Variants in UBE2O observed in about 807,000 individuals in gnomAD.
The protein encoded by UBE2O is (E3-independent) E2 ubiquitin-conjugating enzyme.
A neutral mutation model predicts 125.8 loss-of-function variants in UBE2O; 15 were observed. The ratio of observed to expected loss-of-function variants is 0.12; its 90% CI spans 0.08 to 0.18. UBE2O has a LOEUF of 0.18. Among genes scored for constraint, UBE2O ranks in the 10% least tolerant of loss-of-function variants. The pLI is 1.00. For synonymous variants in UBE2O, 708 were observed against 703.2 expected (o/e 1.01, Z -0.11); for missense variants, 1,280 against 1,723.6 (o/e 0.74, Z 4.56).
intron 1 of UBE2O, among the ~76,000 whole-genome samples, chr17:76,408,224 A>G (rs2072456800): frequency 6.6e-6 from 1 of 152,208 alleles, no homozygotes; most frequent in South Asian, 2.1e-4. Flanking sequence ...TGCCCCCGTC[A>G]GGAAGGAACC....
At position 76,391,662 on chromosome 17, in the gene UBE2O, G is replaced by A; in HGVS notation, c.3209-49C>T. On this transcript the variant is annotated intron_variant, in intron 17 of 17. Coordinates refer to ENST00000319380, the MANE Select transcript of UBE2O (RefSeq NM_022066.4). The surrounding 1 kb of genome is among the most constrained non-coding windows in gnomAD (Gnocchi z 8.4). ...TCAGTGGGTGAGAGAGGCCCACAATGCAGGCCTACCCTCCACCTGCCAGGG... is the reference window on the plus strand; with the variant it reads ...TCAGTGGGTGAGAGAGGCCCACAATACAGGCCTACCCTCCACCTGCCAGGG... 6.2e-7 allele frequency: 1 copy of A among 1,602,008 alleles called. No homozygotes were observed. The highest frequency in any genetic ancestry group is 8.5e-7 in the Non-Finnish European group (1 of 1,172,558).
At chr17:76,444,788 C>T (rs550531586) in intron 1 of UBE2O, among the ~76,000 whole-genome samples, 1 of 152,298 alleles carries the variant, frequency 6.6e-6, no homozygotes, top group African/African-American at 2.4e-5. Flanking sequence ...AAGATGATGT[C>T]ATCAACCTTC....
chr17:76,436,021 C>T (rs138619735), intron 1 of UBE2O, among the ~76,000 whole-genome samples: 30 of 152,280 alleles, frequency 2.0e-4, no homozygotes, highest in Non-Finnish European at 4.0e-4. Context: ...CTGAGACGGG[C>T]GGATCACCTG....
At position 76,398,327 on chromosome 17, in the gene UBE2O, A is replaced by G. The variant is rs1320006818; in HGVS notation, c.1953T>C (p.Phe651=). The change falls in exon 12 of 18, where the codon TTT becomes TTC. Residue 651 remains phenylalanine (F), a synonymous_variant. Transcript: ENST00000319380. The surrounding 1 kb of genome is among the most constrained non-coding windows in gnomAD (Gnocchi z 5.4). ...SVYDIADHPD[F]RFRTTDIVIR... ...TGACGATGTCAGTTGTACGGAACCT[A>G]AAGTCAGGGTGGTCAGCAATGTCGT... 2 of 1,613,998 alleles carry G rather than the reference A, an allele frequency of 1.2e-6. No individual in the cohort carries two copies. Among genetic ancestry groups the G allele is most frequent in the Non-Finnish European group, 8.5e-7 (1 of 1,180,002 alleles).
intron 5 of UBE2O, 41 bp from the exon 6 acceptor site, chr17:76,401,195 G>T: frequency 1.2e-6 from 2 of 1,602,652 alleles, no homozygotes. Flanking sequence ...CGTGAGCGGT[G>T]TCTCCATGGG....
intron 1 of UBE2O, among the ~76,000 whole-genome samples, chr17:76,427,667 G>A (rs913488408): frequency 6.6e-6 from 1 of 152,262 alleles, no homozygotes; most frequent in African/African-American, 2.4e-5. Context: ...CTGCTGGCTG[G>A]TCTGGTGCCA....
Position 76,400,604 on chromosome 17 carries a change from T to G in UBE2O, c.895-54A>C, listed in dbSNP as rs1485617932. 3.9e-6 allele frequency: 5 copies of G among 1,288,462 alleles called. No homozygotes were observed. The highest frequency in any genetic ancestry group is 5.4e-6 in the Non-Finnish European group (5 of 918,694). The allele number at this position is 1,288,462 out of a possible 1,614,324, so 79.8% of individuals were successfully genotyped here. A position where few individuals can be genotyped will look rare whatever the true frequency, so the allele number is the denominator to read the frequency against. On this transcript the variant is annotated intron_variant, in intron 6 of 17. Coordinates refer to ENST00000319380, the MANE Select transcript of UBE2O (RefSeq NM_022066.4). The surrounding 1 kb of genome is among the most constrained non-coding windows in gnomAD (Gnocchi z 4.3). Reference sequence around the variant, plus strand: ...CAGGGCAGGCTCTGACAGCACTCTCTTTAGCCAGCTGCCCAAAGCCCACTT... The same window carrying G: ...CAGGGCAGGCTCTGACAGCACTCTCGTTAGCCAGCTGCCCAAAGCCCACTT...
At chr17:76,424,957 G>A (rs1407385156) in intron 1 of UBE2O, among the ~76,000 whole-genome samples, 2 of 148,546 alleles carry the variant, frequency 1.3e-5, no homozygotes, top group Admixed American at 6.8e-5. Context: ...TGCAAGCTCC[G>A]CCTCCCAGGT....
chr17:76,431,083 T>C (rs2072899789), intron 1 of UBE2O: 1 of 185,138 alleles, frequency 5.4e-6, no homozygotes. Context: ...CAAGGGTTTC[T>C]GGCACAACAG....
At chr17:76,426,925 T>A (rs1043404335) in intron 1 of UBE2O, among the ~76,000 whole-genome samples, 3 of 151,802 alleles carry the variant, frequency 2.0e-5, no homozygotes, top group Non-Finnish European at 2.9e-5. Flanking sequence ...TTTTTTTTTT[T>A]CTGTGAAAAT....
At chr17:76,430,653 CG>C in intron 1 of UBE2O, 1 of 329,978 alleles carries the variant, frequency 3.0e-6, no homozygotes, top group Non-Finnish European at 6.3e-6. Context: ...GATTTTGCCA[CG>C]GCCATGCTTG....
chr17:76,437,487 T>C (rs974349006), intron 1 of UBE2O, among the ~76,000 whole-genome samples: 11 of 151,746 alleles, frequency 7.2e-5, no homozygotes, highest in Non-Finnish European at 1.3e-4. Flanking sequence ...AAAAGGCAAT[T>C]ATGTTAAATG....
intron 1 of UBE2O, among the ~76,000 whole-genome samples, chr17:76,412,096 G>A (rs888893181): frequency 2.0e-5 from 3 of 152,148 alleles, no homozygotes; most frequent in South Asian, 2.1e-4. Context: ...AAGGACAAGC[G>A]GACGACCAGC....
In UBE2O at chr17:76,453,127, T is replaced by A; in HGVS notation, c.15A>T (p.Ala5=). 1 of 725,204 alleles carries A rather than the reference T, an allele frequency of 1.4e-6. No individual in the cohort carries two copies. Among genetic ancestry groups the A allele is most frequent in the Non-Finnish European group, 2.0e-6 (1 of 508,350 alleles). The allele number at this position is 725,204 out of a possible 1,614,324, so 44.9% of individuals were successfully genotyped here. A position where few individuals can be genotyped will look rare whatever the true frequency, so the allele number is the denominator to read the frequency against. Residue 5 remains alanine (A), a synonymous_variant, in exon 1 of 18, where the codon GCA becomes GCT. Transcript: ENST00000319380. MADP[A]APTPAAPAPA... The stretch of plus-strand genomic sequence containing the variant: ...GAGCGGGAGCTGCGGGCGTGGGGGC[T>A]GCGGGATCCGCCATAACTGCTCTGC...
In UBE2O at chr17:76,399,331, A is replaced by G. The variant is rs1598585562; in HGVS notation, c.1628+118T>C. 6.6e-6 allele frequency: 7 copies of G among 1,067,014 alleles called. No individual in the cohort carries two copies. The South Asian group carries it at 7.6e-5, about 12-fold the overall frequency. 66.1% of individuals were successfully genotyped at this position (1,067,014 alleles called of 1,614,324 possible). A position where few individuals can be genotyped will look rare whatever the true frequency, so the allele number is the denominator to read the frequency against. On this transcript the variant is annotated intron_variant, in intron 9 of 17. Transcript: ENST00000319380. This position sits in a 1 kb window ranked among gnomAD's most constrained non-coding sequence, Gnocchi z 6.9. ...ACGTTGTCTCGGGTGGGAGCCCCGG[A>G]GCCACTACAAGGCATGCAGAGGTGT...
At chr17:76,430,736 T>C in intron 1 of UBE2O, 1 of 252,278 alleles carries the variant, frequency 4.0e-6, no homozygotes, top group Non-Finnish European at 8.1e-6. Context: ...CCTCAGCATG[T>C]TAACTGAAGG....
In UBE2O at chr17:76,395,519, G is replaced by T. The variant is rs563655515; in HGVS notation, c.2946+206C>A. ...GAAAGTAATTTTTTAAAGGAGGGAG[G>T]AAAGAAAGAACCATCTGGCCTGGAC... On this transcript the variant is annotated intron_variant, in intron 15 of 17. Transcript: ENST00000319380. This position sits in a 1 kb window ranked among gnomAD's most constrained non-coding sequence, Gnocchi z 5.0. 3 of 533,168 alleles carry T rather than the reference G, an allele frequency of 5.6e-6. No individual in the cohort carries two copies. The East Asian group carries it at 9.7e-5, about 17-fold the overall frequency. 33.0% of individuals were successfully genotyped at this position (533,168 alleles called of 1,614,324 possible). A position where few individuals can be genotyped will look rare whatever the true frequency, so the allele number is the denominator to read the frequency against.
chr17:76,396,659 T>C lies in UBE2O; in HGVS notation c.2278A>G (p.Ile760Val). ...GCCACCGGCTGCTCCAGGGGTGGGA[T>C]GGGGGGCTCCTCTATCTTGGGGTGC... ...DEHPKIEEPP[I>V]PPLEQPVAPE... Residue 760 changes from isoleucine (I) to valine (V), a missense_variant, in exon 14 of 18, where the codon ATC (isoleucine) becomes GTC (valine). This residue lies in a region of UBE2O where 210 missense variants were observed against 268.9 expected (regional missense o/e 0.78). Transcript: ENST00000319380. This position sits in a 1 kb window ranked among gnomAD's most constrained non-coding sequence, Gnocchi z 6.7. 6.2e-7 allele frequency: 1 copy of C among 1,613,522 alleles called. No individual in the cohort carries two copies. Among genetic ancestry groups the C allele is most frequent in the Non-Finnish European group, 8.5e-7 (1 of 1,179,960 alleles).
intron 1 of UBE2O, among the ~76,000 whole-genome samples, chr17:76,429,154 C>A (rs2072862079): frequency 6.6e-6 from 1 of 151,892 alleles, no homozygotes; most frequent in Non-Finnish European, 1.5e-5. Context: ...CCCGCCTCGG[C>A]CTCCCAAAGT....
Sources: allele counts gnomAD v4.1 joint callset (sites outside exome capture counted in the v4.1 genomes callset), GRCh38; gene constraint gnomAD v4.1.1; regional missense constraint gnomAD v4.1.1; non-coding constraint Gnocchi (gnomAD v3.1); transcripts MANE v1.5; gene names NCBI Gene and HGNC (gene_info 2026-07-23, HGNC 2026-07-21).